Variants in NFKB2 observed in about 807,000 individuals in gnomAD.
NFKB2 encodes nuclear factor NF-kappa-B p100 subunit.
A neutral mutation model predicts 109.3 loss-of-function variants in NFKB2; 21 were observed. The ratio of observed to expected loss-of-function variants is 0.19; its 90% confidence interval spans 0.14 to 0.28. The LOEUF (loss-of-function observed/expected upper bound fraction) is 0.28. Among genes scored for constraint, NFKB2 ranks in the 10% least tolerant of loss-of-function variants. NFKB2 has a pLI of 1.00. For missense variants in NFKB2, 806 were observed against 1,185.3 expected, an observed-to-expected ratio of 0.68 and a Z score of 4.70; for synonymous variants, 478 against 489.9, an observed-to-expected ratio of 0.98 and a Z score of 0.32.
Position 102,399,402 on chromosome 10 carries a change from T to C in NFKB2, c.1232T>C (p.Val411Ala). The C allele has an allele frequency of 1.3e-6, 2 of 1,537,210 alleles. No homozygotes were observed. The highest frequency in any genetic ancestry group is 8.8e-7 in the Non-Finnish European group (1 of 1,140,506). ...GGGGAQMAAT[V>A]PSRDSGEEAA... ...GGCGGGGCGCAGATGGCCGCCACGG[T>C]GCCCAGCAGGGACTCCGGGGAGGAA... The change falls in exon 13 of 23, where the codon GTG becomes GCG. Residue 411 changes from valine (V) to alanine (A), a missense_variant. This residue lies in a region of NFKB2 where 209 missense variants were observed against 211.9 expected (regional missense o/e 0.99). Coordinates refer to ENST00000661543, the MANE Select transcript of NFKB2 (RefSeq NM_001322934.2).
rs11574848 is a variant in NFKB2 at position 102,399,345 on chromosome 10, C to T, written c.1175C>T (p.Ala392Val). The T allele has an allele frequency of 2.4e-5, 38 of 1,574,368 alleles. No individual in the cohort carries two copies. Among genetic ancestry groups the T allele is most frequent in the Non-Finnish European group, 2.9e-5 (34 of 1,162,330 alleles). ...SLAYSPYQSG[A>V]GPMGCYPGGG... The stretch of plus-strand genomic sequence containing the variant: ...GCCTACAGCCCCTACCAGTCCGGCG[C>T]GGGCCCCATGGGCTGCTACCCGGGA... The change falls in exon 13 of 23, where the codon GCG (alanine) becomes GTG (valine). Residue 392 changes from alanine to valine, a missense_variant. Around this residue, in one of 10 missense-constraint regions of NFKB2, gnomAD observed 209 missense variants for 211.9 expected, o/e 0.99. Coordinates refer to ENST00000661543, the MANE Select transcript of NFKB2 (RefSeq NM_001322934.2).
chr10:102,398,148 T>C lies in NFKB2; in HGVS notation c.766+63T>C. On this transcript the variant is annotated intron_variant, in intron 9 of 22. Transcript: ENST00000661543. This position sits in a 1 kb window ranked among gnomAD's most constrained non-coding sequence, Gnocchi z 6.6. ...AGTATAAGACTGGGGCCAGGGAAGC[T>C]CTAGGGTAAATGGCCCCAGAGATTC... 1 of 1,613,032 alleles carries C rather than the reference T, an allele frequency of 6.2e-7. No individual in the cohort carries two copies. The highest frequency in any genetic ancestry group is 8.5e-7 in the Non-Finnish European group (1 of 1,179,128).
chr10:102,395,484 C>T (rs905798591), upstream of NFKB2, among the ~76,000 whole-genome samples: 5 of 152,156 alleles, frequency 3.3e-5, no homozygotes, highest in African/African-American at 9.7e-5. Flanking sequence ...GTGAAAGACC[C>T]TCCTGTTCCC....
Position 102,401,347 on chromosome 10 carries a change from G to T in NFKB2, c.2223+16G>T. On this transcript the variant is annotated intron_variant, in intron 19 of 22. Transcript: ENST00000661543. This position sits in a 1 kb window ranked among gnomAD's most constrained non-coding sequence, Gnocchi z 4.2. The stretch of plus-strand genomic sequence containing the variant: ...CAGCACCAAGGTGAGGCCAGCCCGG[G>T]ACTAGAAGTGCTCTGAGTGACGGGG... The T allele has an allele frequency of 6.2e-7, 1 of 1,608,146 alleles. No homozygotes were observed. Among genetic ancestry groups the T allele is most frequent in the Non-Finnish European group, 8.5e-7 (1 of 1,176,310 alleles).
rs1375954053 is a variant in NFKB2 at position 102,396,381 on chromosome 10, G to A, written c.103+47G>A. On this transcript the variant is annotated intron_variant, in intron 3 of 22. Transcript: ENST00000661543. This position sits in a 1 kb window ranked among gnomAD's most constrained non-coding sequence, Gnocchi z 5.9. ...CCCTAGTCCTAAAGCGGGGGAGGGA[G>A]AGCATGTGCCCTCTCTCTGGGGGAG... 2 of 1,613,864 alleles carry A rather than the reference G, an allele frequency of 1.2e-6. No homozygotes were observed. Among genetic ancestry groups the A allele is most frequent in the Non-Finnish European group, 1.7e-6 (2 of 1,179,748 alleles).
Position 102,397,898 on chromosome 10 carries a change from G to A in NFKB2, c.662-83G>A. 1 of 1,443,670 alleles carries A rather than the reference G, an allele frequency of 6.9e-7. No individual in the cohort carries two copies. The highest frequency in any genetic ancestry group is 1.4e-5 in the African/African-American group (1 of 71,152). 89.4% of individuals were successfully genotyped at this position (1,443,670 alleles called of 1,614,324 possible). A position where few individuals can be genotyped will look rare whatever the true frequency, so the allele number is the denominator to read the frequency against. On this transcript the variant is annotated intron_variant, in intron 8 of 22. Transcript: ENST00000661543. This position sits in a 1 kb window ranked among gnomAD's most constrained non-coding sequence, Gnocchi z 4.7. ...TTCCTGCAGCTCCAGGGGTTGCTGA[G>A]ATAAGGAATACAAAGCCCCCAGCTT...
At position 102,400,105 on chromosome 10, in the gene NFKB2, G is replaced by C. The variant is rs1018837336; in HGVS notation, c.1495G>C (p.Gly499Arg). The C allele has an allele frequency of 1.2e-6, 2 of 1,613,936 alleles. No individual in the cohort carries two copies. Among genetic ancestry groups the C allele is most frequent in the African/African-American group, 1.3e-5 (1 of 74,888 alleles). ...DTPLHLAIIHGQTSVIEQIVY... is the reference protein window; with the variant it reads ...DTPLHLAIIHRQTSVIEQIVY... ...ACCACTGCACCTAGCCATCATCCAC[G>C]GGCAGACCAGTGTCATTGAGCAGAT... The change falls in exon 15 of 23, where the codon GGG becomes CGG. Residue 499 changes from glycine to arginine, a missense_variant. Physicochemically the swap from Gly to Arg is moderately radical, Grantham distance 125 (BLOSUM62 -2). Coordinates refer to ENST00000661543, the MANE Select transcript of NFKB2 (RefSeq NM_001322934.2). The surrounding 1 kb of genome is among the most constrained non-coding windows in gnomAD (Gnocchi z 6.3).
At position 102,395,761 on chromosome 10, in the gene NFKB2, T is replaced by C. The variant is rs1261409867; in HGVS notation, c.-108T>C. On this transcript the variant is annotated 5_prime_UTR_variant, in exon 1 of 23. Transcript: ENST00000661543. ...ACTCCGGATCTCGCTCTCCACCGGA[T>C]CTCACCCGCCACACCCGGACAGGCG... is the stretch of plus-strand genomic sequence containing the variant. The C allele has an allele frequency of 1.6e-6, 1 of 621,476 alleles. No individual in the cohort carries two copies. Among genetic ancestry groups the C allele is most frequent in the African/African-American group, 1.8e-5 (1 of 54,558 alleles). 38.5% of individuals were successfully genotyped at this position (621,476 alleles called of 1,614,324 possible). A position where few individuals can be genotyped will look rare whatever the true frequency, so the allele number is the denominator to read the frequency against.
Position 102,401,097 on chromosome 10 carries a change from A to G in NFKB2, c.2071+48A>G, listed in dbSNP as rs202021172. On this transcript the variant is annotated intron_variant, in intron 18 of 22. Coordinates refer to ENST00000661543, the MANE Select transcript of NFKB2 (RefSeq NM_001322934.2). This position sits in a 1 kb window ranked among gnomAD's most constrained non-coding sequence, Gnocchi z 4.2. ...CTTGAACAGGGTGGGGGGAAGGGAG[A>G]GAGGTGCCTCCCAGTCCCCCGACTT... 1.2e-5 allele frequency: 20 copies of G among 1,612,476 alleles called. No individual in the cohort carries two copies. The East Asian group carries it at 4.2e-4, about 34-fold the overall frequency.
At chr10:102,399,788 C>T (rs1236598819) in intron 14 of NFKB2, 70 bp downstream of exon 14, 2 of 1,433,782 alleles carry the variant, frequency 1.4e-6, no homozygotes, top group Admixed American at 2.8e-5. Flanking sequence ...CGGAGGCGGG[C>T]TCTGCAGTTT....
In NFKB2 at chr10:102,398,515, T is replaced by C; in HGVS notation, c.983T>C (p.Leu328Pro). Residue 328 changes from leucine (L) to proline (P), a missense_variant, in exon 11 of 23, where the codon CTG (leucine) becomes CCG (proline). Coordinates refer to ENST00000661543, the MANE Select transcript of NFKB2 (RefSeq NM_001322934.2). This position sits in a 1 kb window ranked among gnomAD's most constrained non-coding sequence, Gnocchi z 6.6. ...SDSKQFTYYPLVEDKEEVQRK... is the reference protein window; with the variant it reads ...SDSKQFTYYPPVEDKEEVQRK... ...TCCAAACAGTTCACCTATTACCCTC[T>C]GGTGGAAGGTGGAGCTGGGCTGAGG... is the stretch of plus-strand genomic sequence containing the variant. 6.2e-7 allele frequency: 1 copy of C among 1,613,752 alleles called. No individual in the cohort carries two copies. Among genetic ancestry groups the C allele is most frequent in the Non-Finnish European group, 8.5e-7 (1 of 1,179,776 alleles).
Position 102,398,839 on chromosome 10 carries a change from CG to C in NFKB2, c.1097del (p.Gly366AlafsTer116). On this transcript the variant is annotated frameshift_variant, in exon 12 of 23. Coordinates refer to ENST00000661543, the MANE Select transcript of NFKB2 (RefSeq NM_001322934.2). LOFTEE classifies it high-confidence loss of function. This position sits in a 1 kb window ranked among gnomAD's most constrained non-coding sequence, Gnocchi z 6.6. ...HMGGGSGGAA[G>X]GYGGAGGGGS... ...TGGGTGGAGGCTCTGGGGGTGCAGC[CG>C]GGGGCTACGGAGGAGCTGGAGGAGG... 1 of 1,601,850 alleles carries C rather than the reference CG, an allele frequency of 6.2e-7. No homozygotes were observed. The highest frequency in any genetic ancestry group is 1.7e-5 in the Admixed American group (1 of 58,650).
chr10:102,400,405 G>T lies in NFKB2; in HGVS notation c.1712G>T (p.Gly571Val). The stretch of plus-strand genomic sequence containing the variant: ...GCCATGCATCTGGCGCTGCGGGCAG[G>T]CGCTGGTGCTCCTGAGCTGCTGCGT... ...DSAMHLALRA[G>V]AGAPELLRAL... Residue 571 changes from glycine (G) to valine (V), a missense_variant, in exon 16 of 23, where the codon GGC (glycine) becomes GTC (valine). By Grantham distance (109) the Gly-to-Val change is moderately radical (BLOSUM62 -3). Coordinates refer to ENST00000661543, the MANE Select transcript of NFKB2 (RefSeq NM_001322934.2). This position sits in a 1 kb window ranked among gnomAD's most constrained non-coding sequence, Gnocchi z 6.3. 6.2e-7 allele frequency: 1 copy of T among 1,613,240 alleles called. No individual in the cohort carries two copies. The highest frequency in any genetic ancestry group is 8.5e-7 in the Non-Finnish European group (1 of 1,180,026).
chr10:102,397,177 G>A lies in NFKB2; in HGVS notation c.395+122G>A. ...AGATGTAGGTTGGCCCCAAACCCAA[G>A]GGCCTAAGTAGAAACTCCAATGGCT... On this transcript the variant is annotated intron_variant, in intron 6 of 22. Transcript: ENST00000661543. This position sits in a 1 kb window ranked among gnomAD's most constrained non-coding sequence, Gnocchi z 4.7. 6.5e-7 allele frequency: 1 copy of A among 1,537,146 alleles called. No homozygotes were observed. Among genetic ancestry groups the A allele is most frequent in the Non-Finnish European group, 8.9e-7 (1 of 1,128,652 alleles).
rs767312820 is a variant in NFKB2, at chr10:102,401,345, G to A, written c.2223+14G>A. The A allele has an allele frequency of 1.4e-5, 23 of 1,605,916 alleles. No individual in the cohort carries two copies. Among genetic ancestry groups the A allele is most frequent in the African/African-American group, 8.0e-5 (6 of 74,760 alleles). ...TGCAGCACCAAGGTGAGGCCAGCCC[G>A]GGACTAGAAGTGCTCTGAGTGACGG... On this transcript the variant is annotated intron_variant, in intron 19 of 22. Transcript: ENST00000661543. This position sits in a 1 kb window ranked among gnomAD's most constrained non-coding sequence, Gnocchi z 4.2.
Position 102,398,378 on chromosome 10 carries a change from C to T in NFKB2, c.853-7C>T. 2 of 1,613,830 alleles carry T rather than the reference C, an allele frequency of 1.2e-6. No homozygotes were observed. Among genetic ancestry groups the T allele is most frequent in the Non-Finnish European group, 1.7e-6 (2 of 1,179,882 alleles). On this transcript the variant is annotated splice_polypyrimidine_tract_variant and splice_region_variant and intron_variant, in intron 10 of 22. Coordinates refer to ENST00000661543, the MANE Select transcript of NFKB2 (RefSeq NM_001322934.2). This position sits in a 1 kb window ranked among gnomAD's most constrained non-coding sequence, Gnocchi z 6.6. ...ACTGACACCCTGTGTCTCCCTGCAC[C>T]CCCCAGTATGCCATTGTGTTCCGGA...
Position 102,400,385 on chromosome 10 carries a change from G to A in NFKB2, c.1692G>A (p.Met564Ile), listed in dbSNP as rs2061210768. ...ALLDRHGDSA[M>I]HLALRAGAGA... ...TGGATCGGCATGGAGACTCAGCCAT[G>A]CATCTGGCGCTGCGGGCAGGCGCTG... Residue 564 changes from methionine to isoleucine, a missense_variant, in exon 16 of 23, where the codon ATG becomes ATA. Transcript: ENST00000661543. The surrounding 1 kb of genome is among the most constrained non-coding windows in gnomAD (Gnocchi z 6.3). 1.2e-6 allele frequency: 2 copies of A among 1,613,414 alleles called. No homozygotes were observed. Among genetic ancestry groups the A allele is most frequent in the African/African-American group, 1.3e-5 (1 of 74,916 alleles).
In NFKB2 at chr10:102,398,805, G is replaced by C. The variant is rs1214959232; in HGVS notation, c.1058G>C (p.Gly353Ala). ...LPTFSQPFGG[G>A]SHMGGGSGGA... ...ACCTTCTCCCAGCCCTTCGGGGGTGGCTCCCACATGGGTGGAGGCTCTGGG... is the reference window on the plus strand; with the variant it reads ...ACCTTCTCCCAGCCCTTCGGGGGTGCCTCCCACATGGGTGGAGGCTCTGGG... The change falls in exon 12 of 23, where the codon GGC (glycine) becomes GCC (alanine). Residue 353 changes from glycine to alanine, a missense_variant. Coordinates refer to ENST00000661543, the MANE Select transcript of NFKB2 (RefSeq NM_001322934.2). The surrounding 1 kb of genome is among the most constrained non-coding windows in gnomAD (Gnocchi z 6.6). The C allele has an allele frequency of 6.2e-7, 1 of 1,610,596 alleles. No homozygotes were observed. The highest frequency in any genetic ancestry group is 2.2e-5 in the East Asian group (1 of 44,884).
rs759662244 is a variant in NFKB2, at chr10:102,400,965, G to A, written c.1987G>A (p.Ala663Thr). Residue 663 changes from alanine (A) to threonine (T), a missense_variant, in exon 18 of 23, where the codon GCT becomes ACT. Physicochemically the swap from Ala to Thr is moderately conservative, Grantham distance 58 (BLOSUM62 0). Around this residue, in one of 10 missense-constraint regions of NFKB2, gnomAD observed 24 missense variants for 23.5 expected, o/e 1.02. Coordinates refer to ENST00000661543, the MANE Select transcript of NFKB2 (RefSeq NM_001322934.2). This position sits in a 1 kb window ranked among gnomAD's most constrained non-coding sequence, Gnocchi z 6.3. ...CCCCCAGCTCCGGGCCAACGTGAAC[G>A]CTCGCACCTTTGCGGGAAACACACC... Reference protein sequence around the residue: ...LVTKLRANVNARTFAGNTPLH... With the variant: ...LVTKLRANVNTRTFAGNTPLH... 3.7e-6 allele frequency: 6 copies of A among 1,613,550 alleles called. No homozygotes were observed. The highest frequency in any genetic ancestry group is 2.2e-5 in the East Asian group (1 of 44,868).
Sources: allele counts gnomAD v4.1 joint callset (sites outside exome capture counted in the v4.1 genomes callset), GRCh38; gene constraint gnomAD v4.1.1; regional missense constraint gnomAD v4.1.1; non-coding constraint Gnocchi (gnomAD v3.1); transcripts MANE v1.5; gene names NCBI Gene and HGNC (gene_info 2026-07-23, HGNC 2026-07-21).